Variants in GARNL3 observed in about 807,000 individuals in gnomAD.
GARNL3 encodes the protein GTPase activating Rap/RanGAP domain like 3.
A neutral mutation model predicts 125.0 loss-of-function variants in GARNL3; 63 were observed. The observed-to-expected ratio is 0.50, with a 90% CI of 0.41 to 0.62. GARNL3 has a LOEUF of 0.62. Among genes scored for constraint, GARNL3 ranks in the 20% least tolerant of loss-of-function variants. The pLI, the probability that GARNL3 is intolerant of heterozygous loss-of-function variation, is 0.00. For synonymous variants in GARNL3, 439 were observed against 457.5 expected, an observed-to-expected ratio of 0.96 and a Z score of 0.52; for missense variants, 994 against 1,244.0, an observed-to-expected ratio of 0.80 and a Z score of 3.02.
At chr9:127,261,703 G>A (rs1250639047), upstream of GARNL3, among the ~76,000 whole-genome samples, 4 of 152,124 alleles carry the variant, frequency 2.6e-5, no homozygotes, top group Admixed American at 1.3e-4. Context: ...GTGAGCCACC[G>A]CGCCCGGCCT....
In GARNL3 at chr9:127,269,335, T is replaced by C. The variant is rs1458665965; in HGVS notation, c.144+4314T>C. Among the ~76,000 whole-genome samples, 6 of 152,242 alleles carry C rather than the reference T, an allele frequency of 3.9e-5. No homozygotes were observed. In the East Asian group the frequency reaches 1.2e-3, roughly 29 times the overall value. Reference sequence around the variant, plus strand: ...TTCATCTGTTGATGAACACTTGCGTTGTTTCTACATTTTAGCTATTAAAAT... The same window carrying C: ...TTCATCTGTTGATGAACACTTGCGTCGTTTCTACATTTTAGCTATTAAAAT... On this transcript the variant is annotated intron_variant, in intron 1 of 27. Transcript: ENST00000373387.
At chr9:127,373,197 A>G (rs1831700531) in intron 22 of GARNL3, among the ~76,000 whole-genome samples, 1 of 152,222 alleles carries the variant, frequency 6.6e-6, no homozygotes. Flanking sequence ...AGTGAGTAAG[A>G]TCGAACCACC....
intron 1 of GARNL3, among the ~76,000 whole-genome samples, chr9:127,274,981 G>T (rs1048721134): frequency 1.3e-5 from 2 of 152,068 alleles, no homozygotes; most frequent in Non-Finnish European, 2.9e-5. Flanking sequence ...TCTCTGCCCT[G>T]CATCATGGCT....
At chr9:127,297,331 G>A (rs1464740529) in intron 2 of GARNL3, among the ~76,000 whole-genome samples, 1 of 152,082 alleles carries the variant, frequency 6.6e-6, no homozygotes, top group African/African-American at 2.4e-5. Context: ...TAGAGATGGG[G>A]TTTTGCCATG....
At chr9:127,349,542 A>G (rs887713244) in intron 17 of GARNL3, among the ~76,000 whole-genome samples, 3 of 152,372 alleles carry the variant, frequency 2.0e-5, no homozygotes, top group South Asian at 2.1e-4. Flanking sequence ...TTCCAGCTCA[A>G]TATAAAATCA....
intron 2 of GARNL3, among the ~76,000 whole-genome samples, chr9:127,291,958 C>G (rs891441459): frequency 1.3e-5 from 2 of 151,974 alleles, no homozygotes; most frequent in African/African-American, 4.8e-5. Flanking sequence ...AAGATTATTG[C>G]AAGAATTCAG....
intron 1 of GARNL3, among the ~76,000 whole-genome samples, chr9:127,239,348 A>C (rs1489427934): frequency 6.6e-6 from 1 of 152,186 alleles, no homozygotes; most frequent in Non-Finnish European, 1.5e-5. Context: ...CCCTCTGCCA[A>C]GTCCCACCCT....
chr9:127,324,054 A>T (rs1314182155), intron 6 of GARNL3, among the ~76,000 whole-genome samples: 1 of 152,150 alleles, frequency 6.6e-6, no homozygotes, highest in African/African-American at 2.4e-5. Flanking sequence ...ATTGGAGACC[A>T]GTCTGGGCAA....
intron 1 of GARNL3, among the ~76,000 whole-genome samples, chr9:127,286,915 G>T (rs553161804): frequency 6.6e-6 from 1 of 152,148 alleles, no homozygotes; most frequent in African/African-American, 2.4e-5. Flanking sequence ...CTCATATGCA[G>T]CCAGGAACTC....
At chr9:127,323,001 T>C (rs923550704) in intron 6 of GARNL3, among the ~76,000 whole-genome samples, 1 of 152,178 alleles carries the variant, frequency 6.6e-6, no homozygotes, top group African/African-American at 2.4e-5. Flanking sequence ...AGGTATTTTA[T>C]AAAAACCGGT....
intron 1 of GARNL3, among the ~76,000 whole-genome samples, chr9:127,279,168 C>A (rs928608284): frequency 1.3e-5 from 2 of 152,002 alleles, no homozygotes; most frequent in Admixed American, 6.6e-5. Context: ...TCTTGGTGAC[C>A]TTTCCTGGCT....
At chr9:127,333,198 T>C in intron 9 of GARNL3, 77 bp downstream of exon 9, 2 of 1,162,996 alleles carry the variant, frequency 1.7e-6, no homozygotes, top group Non-Finnish European at 2.6e-6. Context: ...TCTGAACTTA[T>C]ACCAGAGAAG....
At chr9:127,388,095 G>A (rs1322471862) in intron 25 of GARNL3, among the ~76,000 whole-genome samples, 1 of 151,816 alleles carries the variant, frequency 6.6e-6, no homozygotes, top group East Asian at 1.9e-4. Context: ...GCATTGAGCC[G>A]GGATTGCACC....
At chr9:127,370,516 A>T (rs1050821242) in intron 22 of GARNL3, among the ~76,000 whole-genome samples, 1 of 152,180 alleles carries the variant, frequency 6.6e-6, no homozygotes, top group Non-Finnish European at 1.5e-5. Context: ...CCCGGACCCC[A>T]GGACCCAGCT....
intron 14 of GARNL3, among the ~76,000 whole-genome samples, chr9:127,343,219 C>T (rs537337951): frequency 9.9e-5 from 15 of 152,174 alleles, no homozygotes; most frequent in Non-Finnish European, 1.8e-4. Context: ...ATTTTATAGG[C>T]ACTCCTTGAC....
chr9:127,259,293 A>G (rs16929720), upstream of GARNL3, among the ~76,000 whole-genome samples: 17,329 of 152,198 alleles, frequency 0.11, 3,258 homozygotes, highest in African/African-American at 0.39. Flanking sequence ...GAGATTTAAC[A>G]TGGAGGTCCT....
At chr9:127,264,034 CA>C, upstream of GARNL3, 9 of 1,329,868 alleles carry the variant, frequency 6.8e-6, no homozygotes, top group Non-Finnish European at 9.3e-6. Flanking sequence ...TGTTAGATCC[CA>C]AATGTTTTGA....
chr9:127,342,789 A>C (rs1024380114), intron 14 of GARNL3, among the ~76,000 whole-genome samples: 3 of 152,030 alleles, frequency 2.0e-5, no homozygotes, highest in Non-Finnish European at 4.4e-5. Context: ...TGAAACAAGC[A>C]TTCCCATTTA....
intron 22 of GARNL3, among the ~76,000 whole-genome samples, chr9:127,377,792 C>CAAAAAAAA (rs56965235): frequency 1.5e-5 from 1 of 67,484 alleles, no homozygotes; most frequent in Non-Finnish European, 3.1e-5. Flanking sequence ...GACTCCGTCT[C>CAAAAAAAA]AAAAAAAAAA....
Sources: allele counts gnomAD v4.1 joint callset (sites outside exome capture counted in the v4.1 genomes callset), GRCh38; gene constraint gnomAD v4.1.1; transcripts MANE v1.5; gene names NCBI Gene and HGNC (gene_info 2026-07-23, HGNC 2026-07-21).